Variants in SS18 observed in about 807,000 individuals in gnomAD.
The protein encoded by SS18 is SS18 subunit of BAF chromatin remodeling complex.
Under a neutral mutation model 72.5 loss-of-function variants are expected in SS18, and 28 were observed. That is an observed-to-expected ratio of 0.39 (90% CI 0.29 to 0.53). SS18 has a LOEUF of 0.53. Ranked by LOEUF, SS18 falls within the 20% of genes least tolerant of loss-of-function variation. The probability of loss-of-function intolerance (pLI) is 0.76; values close to 1 mark genes in which losing one functional copy is unlikely to be tolerated. For missense variants in SS18, 518 were observed against 535.3 expected (o/e 0.97, Z 0.32); for synonymous variants, 172 against 164.2 (o/e 1.05, Z -0.37).
At chr18:26,051,335 A>G (rs931870152) in intron 5 of SS18, among the ~76,000 whole-genome samples, 3 of 152,254 alleles carry the variant, frequency 2.0e-5, no homozygotes, top group African/African-American at 7.2e-5. Flanking sequence ...CTAAGAACAA[A>G]AAATTTCTAA....
intron 5 of SS18, among the ~76,000 whole-genome samples, chr18:26,040,909 C>T (rs2053712367): frequency 6.6e-6 from 1 of 152,096 alleles, no homozygotes; most frequent in Admixed American, 6.5e-5. Flanking sequence ...TGAAGGTACC[C>T]TACAACACTG....
chr18:26,050,133 G>A (rs2143963028), intron 5 of SS18, among the ~76,000 whole-genome samples: 1 of 152,076 alleles, frequency 6.6e-6, no homozygotes, highest in East Asian at 1.9e-4. Flanking sequence ...CCCTAGGAAG[G>A]CTGAGGCAGA....
chr18:26,019,116 G>C (rs1041496073), intron 10 of SS18, among the ~76,000 whole-genome samples: 1 of 152,100 alleles, frequency 6.6e-6, no homozygotes, highest in Non-Finnish European at 1.5e-5. Flanking sequence ...CTGTGAGTGG[G>C]GGTAAACAAT....
At chr18:26,041,901 T>C (rs1300154107) in intron 5 of SS18, among the ~76,000 whole-genome samples, 2 of 152,202 alleles carry the variant, frequency 1.3e-5, no homozygotes, top group Non-Finnish European at 2.9e-5. Context: ...AAGAGCTCAA[T>C]TACTACCCTT....
At chr18:26,070,963 T>G (rs2054300617) in intron 3 of SS18, among the ~76,000 whole-genome samples, 1 of 152,070 alleles carries the variant, frequency 6.6e-6, no homozygotes, top group African/African-American at 2.4e-5. Context: ...CTTATAGAAA[T>G]TCTAGAAATA....
At position 26,020,073 on chromosome 18, in the gene SS18, T is replaced by C. The variant is rs180818303; in HGVS notation, c.1231-1693A>G. 4.6e-5 allele frequency among the ~76,000 whole-genome samples: 7 copies of C among 152,270 alleles called. No homozygotes were observed. The East Asian group carries it at 1.2e-3, about 25-fold the overall frequency. ...CTATATGTGTTTAAAATAAACATAA[T>C]AAAAGGTTTAAAATAAGAAAGTTAT... is the stretch of plus-strand genomic sequence containing the variant. On this transcript the variant is annotated intron_variant, in intron 10 of 10. Transcript: ENST00000415083.
intron 2 of SS18, among the ~76,000 whole-genome samples, chr18:26,079,407 G>C (rs2054476729): frequency 8.2e-6 from 1 of 121,730 alleles, no homozygotes; most frequent in African/African-American, 3.2e-5. Flanking sequence ...CTTAAAACCT[G>C]CATCAAATTG....
rs148426506 is a variant in SS18, at chr18:26,069,559, A to G, written c.231+8517T>C. ...AAAGAAATACTGTGACAGGGCCCTC[A>G]GCCCAGATCGATTTAAGTTACTGGA... On this transcript the variant is annotated intron_variant, in intron 3 of 10. Coordinates refer to ENST00000415083, the MANE Select transcript of SS18 (RefSeq NM_001007559.3). 3.2e-3 allele frequency among the ~76,000 whole-genome samples: 486 copies of G among 151,730 alleles called. 1 individual carries two copies. The highest frequency in any genetic ancestry group is 8.1e-3 in the African/African-American group (335 of 41,478).
intron 9 of SS18, among the ~76,000 whole-genome samples, chr18:26,033,190 G>A (rs778777860): frequency 6.6e-6 from 1 of 152,112 alleles, no homozygotes; most frequent in Non-Finnish European, 1.5e-5. Flanking sequence ...GACTGACTTG[G>A]CTTGCTAAAC....
At chr18:26,067,691 G>A (rs910267451) in intron 3 of SS18, among the ~76,000 whole-genome samples, 1 of 152,184 alleles carries the variant, frequency 6.6e-6, no homozygotes, top group African/African-American at 2.4e-5. Flanking sequence ...TTTAATGGGC[G>A]TGGTAAAGAC....
chr18:26,060,157 A>G (rs1416597626), intron 3 of SS18, among the ~76,000 whole-genome samples: 1 of 152,248 alleles, frequency 6.6e-6, no homozygotes, highest in Non-Finnish European at 1.5e-5. Flanking sequence ...ATGTCCACCT[A>G]CTGATGAATG....
At chr18:26,082,265 C>T (rs1402614483) in intron 2 of SS18, 20 of 511,874 alleles carry the variant, frequency 3.9e-5, no homozygotes, top group Admixed American at 6.4e-5. Flanking sequence ...AAGAGTAACT[C>T]ATCAATTACT....
intron 3 of SS18, among the ~76,000 whole-genome samples, chr18:26,064,663 G>C (rs2054180913): frequency 6.6e-6 from 1 of 151,806 alleles, no homozygotes; most frequent in South Asian, 2.1e-4. Context: ...ATGAAATACT[G>C]GATTCTTTCC....
intron 3 of SS18, among the ~76,000 whole-genome samples, chr18:26,060,965 A>C (rs1483276670): frequency 6.6e-6 from 1 of 150,798 alleles, no homozygotes; most frequent in African/African-American, 2.4e-5. Flanking sequence ...CAAAAAAAAA[A>C]AAAACAGATT....
Position 26,035,673 on chromosome 18 carries a change from A to T in SS18, c.973+158T>A. 1 of 426,340 alleles carries T rather than the reference A, an allele frequency of 2.3e-6. No individual in the cohort carries two copies. The highest frequency in any genetic ancestry group is 4.1e-6 in the Non-Finnish European group (1 of 241,812). The allele number at this position is 426,340 out of a possible 1,614,324, so 26.4% of individuals were successfully genotyped here. ...TTATACATTTTAAATATTTGTAAGG[A>T]AATTATTTTGATTGTTTTGGGCTCC... On this transcript the variant is annotated intron_variant, in intron 8 of 10. Coordinates refer to ENST00000415083, the MANE Select transcript of SS18 (RefSeq NM_001007559.3). The surrounding 1 kb of genome is among the most constrained non-coding windows in gnomAD (Gnocchi z 4.4).
chr18:26,090,380 T>C, intron 1 of SS18, 121 bp downstream of exon 1: 2 of 980,136 alleles, frequency 2.0e-6, no homozygotes, highest in South Asian at 1.4e-5. Context: ...CAAACACTGC[T>C]GATTCCCAGC....
At chr18:26,088,878 T>TG (rs1428753099) in intron 1 of SS18, among the ~76,000 whole-genome samples, 73 of 149,362 alleles carry the variant, frequency 4.9e-4, no homozygotes, top group African/African-American at 1.8e-3. Flanking sequence ...CTTCACTTAC[T>TG]GGGGGAAAAA....
chr18:26,077,521 C>T (rs935803562), intron 3 of SS18, among the ~76,000 whole-genome samples: 2 of 152,068 alleles, frequency 1.3e-5, no homozygotes, highest in African/African-American at 4.8e-5. Flanking sequence ...TCAACCAATG[C>T]ACTACGTGTA....
At chr18:26,036,775 TC>T (rs1208664399) in intron 7 of SS18, among the ~76,000 whole-genome samples, 1 of 152,142 alleles carries the variant, frequency 6.6e-6, no homozygotes, top group Non-Finnish European at 1.5e-5. Flanking sequence ...ATTCTAATGT[TC>T]CCAAGCCACC....
Sources: gnomAD v4.1 joint callset for allele counts (sites outside exome capture counted in the v4.1 genomes callset) on GRCh38, gnomAD v4.1.1 for gene constraint, Gnocchi (gnomAD v3.1) non-coding constraint, MANE v1.5 for transcripts, NCBI Gene and HGNC (gene_info 2026-07-23, HGNC 2026-07-21) for gene names.